The following ARHGAP21 variants were observed in gnomAD, a reference collection of about 807,000 sequenced individuals.
The protein encoded by ARHGAP21 is rho GTPase-activating protein 21.
A neutral mutation model predicts 164.6 loss-of-function variants in ARHGAP21; 38 were observed. The ratio of observed to expected loss-of-function variants is 0.23; its 90% CI spans 0.18 to 0.30. The LOEUF (loss-of-function observed/expected upper bound fraction) is 0.30, where lower values mean the gene tolerates loss of function less well. Ranked by LOEUF, ARHGAP21 falls within the 10% of genes least tolerant of loss-of-function variation. The pLI is 1.00. For synonymous variants in ARHGAP21, 766 were observed against 857.9 expected (o/e 0.89, Z 1.87); for missense variants, 1,822 against 2,370.7 (o/e 0.77, Z 4.81).
At chr10:24,644,047 G>A (rs945725546) in intron 4 of ARHGAP21, among the ~76,000 whole-genome samples, 2 of 152,014 alleles carry the variant, frequency 1.3e-5, no homozygotes, top group African/African-American at 4.8e-5. Context: ...GTTCCATGCT[G>A]ATTTCCTCAC....
At chr10:24,589,482 G>A (rs2076243926) in intron 24 of ARHGAP21, 180 bp from the exon 25 acceptor site, 3 of 528,574 alleles carry the variant, frequency 5.7e-6, no homozygotes, top group Non-Finnish European at 9.9e-6. Flanking sequence ...GAAAGCCACC[G>A]CCATGAAAGG....
intron 2 of ARHGAP21, among the ~76,000 whole-genome samples, chr10:24,678,237 A>G (rs919190425): frequency 2.0e-5 from 3 of 152,158 alleles, no homozygotes; most frequent in Non-Finnish European, 2.9e-5. Context: ...CACAGATACA[A>G]TCCACTCGTG....
At position 24,586,094 on chromosome 10, in the gene ARHGAP21, A is replaced by T. The variant is rs1249976678; in HGVS notation, c.4195T>A (p.Ser1399Thr). The change falls in exon 26 of 26, where the codon TCT (serine) becomes ACT (threonine). Residue 1399 changes from serine (S) to threonine (T), a missense_variant. By Grantham distance (58) the Ser-to-Thr change is moderately conservative. Around this residue, in one of 5 missense-constraint regions of ARHGAP21, gnomAD observed 333 missense variants for 383.9 expected, o/e 0.87. Coordinates refer to ENST00000396432, the MANE Select transcript of ARHGAP21 (RefSeq NM_020824.4). ...TCCCTGCTATACTGATCCTTTCCAG[A>T]TCCCCAAGAACCCTGGGAAGCAAGA... ...DSTKSKGSWG[S>T]GKDQYSRELL... 1.3e-6 allele frequency: 2 copies of T among 1,592,868 alleles called. No homozygotes were observed. The highest frequency in any genetic ancestry group is 1.7e-6 in the Non-Finnish European group (2 of 1,171,980).
intron 2 of ARHGAP21, among the ~76,000 whole-genome samples, chr10:24,693,499 C>T (rs189036797): frequency 1.2e-4 from 18 of 152,042 alleles, no homozygotes; most frequent in Non-Finnish European, 4.4e-5. Context: ...TACAGGCGCT[C>T]GCCACCACGC....
In ARHGAP21 at chr10:24,586,078, T is replaced by C. The variant is rs575521938; in HGVS notation, c.4211A>G (p.Tyr1404Cys). Residue 1404 changes from tyrosine (Y) to cysteine (C), a missense_variant, in exon 26 of 26, where the codon TAT becomes TGT. By Grantham distance (194) the Tyr-to-Cys change is radical. This residue lies in a region of ARHGAP21 where 333 missense variants were observed against 383.9 expected (regional missense o/e 0.87). Transcript: ENST00000396432. ...GGAGGACACAAGCAGTTCCCTGCTA[T>C]ACTGATCCTTTCCAGATCCCCAAGA... ...KGSWGSGKDQ[Y>C]SRELLVSSIF... 4 of 1,605,156 alleles carry C rather than the reference T, an allele frequency of 2.5e-6. No individual in the cohort carries two copies. In the African/African-American group the frequency reaches 5.4e-5, roughly 22 times the overall value.
At chr10:24,656,056 G>C (rs1292454925) in intron 4 of ARHGAP21, among the ~76,000 whole-genome samples, 2 of 146,762 alleles carry the variant, frequency 1.4e-5, no homozygotes, top group Non-Finnish European at 3.0e-5. Context: ...CCCTCCGCCC[G>C]GCAGCTGCCC....
chr10:24,722,502 C>T (rs1263866096), intron 1 of ARHGAP21: 2 of 154,378 alleles, frequency 1.3e-5, no homozygotes, highest in Non-Finnish European at 2.9e-5. Context: ...GTTATGCAGC[C>T]TTCAAGAAAA....
intron 2 of ARHGAP21, among the ~76,000 whole-genome samples, chr10:24,690,303 T>C (rs1187736724): frequency 6.6e-6 from 1 of 152,190 alleles, no homozygotes; most frequent in Non-Finnish European, 1.5e-5. Flanking sequence ...TTTTTAGTTT[T>C]AGACACAATA....
rs760788731 is a variant in ARHGAP21 at position 24,604,314 on chromosome 10, T to G, written c.2719A>C (p.Lys907Gln). ...FKHVSSLKGI[K>Q]IADSQKSSED... ...AGTAGAAACACTCTAATACCAACCT[T>G]GATTCCCTTCAGACTAGATACGTGC... is the stretch of plus-strand genomic sequence containing the variant. Residue 907 changes from lysine to glutamine, a missense_variant and splice_region_variant, in exon 12 of 26, where the codon AAG (lysine) becomes CAG (glutamine). Coordinates refer to ENST00000396432, the MANE Select transcript of ARHGAP21 (RefSeq NM_020824.4). 1 of 1,589,160 alleles carries G rather than the reference T, an allele frequency of 6.3e-7. No individual in the cohort carries two copies. Among genetic ancestry groups the G allele is most frequent in the Non-Finnish European group, 8.6e-7 (1 of 1,168,414 alleles).
At chr10:24,591,109 AG>A in intron 24 of ARHGAP21, 115 bp downstream of exon 24, 2 of 1,047,950 alleles carry the variant, frequency 1.9e-6, no homozygotes, top group Non-Finnish European at 2.7e-6. Context: ...ATTAGTAGAA[AG>A]GAAGAGAAAA....
chr10:24,597,311 G>A, intron 16 of ARHGAP21, 136 bp downstream of exon 16: 1 of 1,195,156 alleles, frequency 8.4e-7, no homozygotes. Flanking sequence ...AATGAGCCCA[G>A]ACCAAGCCTA....
Position 24,584,215 on chromosome 10 carries a change from T to C in ARHGAP21, c.*197A>G. 4.9e-6 allele frequency: 1 copy of C among 203,896 alleles called. No homozygotes were observed. The highest frequency in any genetic ancestry group is 6.0e-5 in the African/African-American group (1 of 16,670). 12.6% of individuals were successfully genotyped at this position (203,896 alleles called of 1,614,324 possible). A position where few individuals can be genotyped will look rare whatever the true frequency, so the allele number is the denominator to read the frequency against. The stretch of plus-strand genomic sequence containing the variant: ...CATTTGTATACAACTATCCGATATA[T>C]TTTTAAATATATATATATATATATA... On this transcript the variant is annotated 3_prime_UTR_variant, in exon 26 of 26. Coordinates refer to ENST00000396432, the MANE Select transcript of ARHGAP21 (RefSeq NM_020824.4).
At chr10:24,679,870 T>A (rs1413265404) in intron 2 of ARHGAP21, among the ~76,000 whole-genome samples, 1 of 152,174 alleles carries the variant, frequency 6.6e-6, no homozygotes, top group Non-Finnish European at 1.5e-5. Flanking sequence ...GCCATGTTGG[T>A]GTGCTGCACC....
intron 2 of ARHGAP21, among the ~76,000 whole-genome samples, chr10:24,717,439 T>C (rs1411912351): frequency 6.6e-6 from 1 of 152,158 alleles, no homozygotes; most frequent in African/African-American, 2.4e-5. Context: ...TTCCTGAAAG[T>C]GCAGGGTGTT....
intron 14 of ARHGAP21, among the ~76,000 whole-genome samples, chr10:24,598,724 C>T (rs1403196262): frequency 6.6e-6 from 1 of 151,990 alleles, no homozygotes; most frequent in Admixed American, 6.5e-5. Flanking sequence ...AATGATGATA[C>T]AGTTTACAAA....
At position 24,599,916 on chromosome 10, in the gene ARHGAP21, A is replaced by G. The variant is rs577757933; in HGVS notation, c.3132+730T>C. Among the ~76,000 whole-genome samples, 344 of 152,108 alleles carry G rather than the reference A, an allele frequency of 2.3e-3. 3 individuals are homozygous for G. The highest frequency in any genetic ancestry group is 6.9e-3 in the African/African-American group (288 of 41,508). The stretch of plus-strand genomic sequence containing the variant: ...TGGGAGGCCGAGGCGGGCAGATCAC[A>G]AGGTCAGGAGATAGAGACCATCCTG... On this transcript the variant is annotated intron_variant, in intron 14 of 25. Transcript: ENST00000396432.
chr10:24,669,572 G>T (rs975120109), intron 3 of ARHGAP21, among the ~76,000 whole-genome samples: 2 of 152,172 alleles, frequency 1.3e-5, no homozygotes, highest in African/African-American at 4.8e-5. Context: ...TTCCACATCT[G>T]TTATATGGGG....
At chr10:24,720,810 T>A (rs910379272) in intron 2 of ARHGAP21, among the ~76,000 whole-genome samples, 8 of 152,208 alleles carry the variant, frequency 5.3e-5, no homozygotes, top group African/African-American at 1.9e-4. Context: ...AGGGTTCATT[T>A]GGGTATGTTA....
chr10:24,723,015 A>C (rs1207283882), intron 1 of ARHGAP21: 1 of 151,858 alleles, frequency 6.6e-6, no homozygotes, highest in East Asian at 1.9e-4. Context: ...AGAAAAAGCA[A>C]ACCACCACCC....
Sources: gnomAD v4.1 joint callset for allele counts (sites outside exome capture counted in the v4.1 genomes callset) on GRCh38, gnomAD v4.1.1 for gene constraint, gnomAD v4.1.1 regional missense constraint, MANE v1.5 for transcripts, NCBI Gene and HGNC (gene_info 2026-07-23, HGNC 2026-07-21) for gene names.